Variants in NCKAP5 observed in about 807,000 individuals in gnomAD.
The protein encoded by NCKAP5 is nck-associated protein 5.
Under a neutral mutation model 167.0 loss-of-function variants are expected in NCKAP5, and 92 were observed. The ratio of observed to expected loss-of-function variants is 0.55; its 90% CI spans 0.47 to 0.66. NCKAP5 has a LOEUF of 0.66. NCKAP5 is among the 30% of genes least tolerant of loss of function. NCKAP5 has a pLI of 0.00. For missense variants in NCKAP5, 2,378 were observed against 2,315.0 expected (o/e 1.03, Z -0.56); for synonymous variants, 891 against 877.4 (o/e 1.02, Z -0.27).
intron 5 of NCKAP5, among the ~76,000 whole-genome samples, chr2:133,211,704 T>G (rs973933656): frequency 6.6e-6 from 1 of 152,152 alleles, no homozygotes. Context: ...TAATAAATGG[T>G]TTTTTTATAA....
chr2:133,564,127 T>C (rs1575164640), intron 1 of NCKAP5, among the ~76,000 whole-genome samples: 1 of 150,334 alleles, frequency 6.7e-6, no homozygotes, highest in African/African-American at 2.5e-5. Flanking sequence ...AGAGTGAAAC[T>C]CCATTTCAAA....
chr2:132,803,007 T>C (rs994740540), intron 11 of NCKAP5, among the ~76,000 whole-genome samples: 1 of 152,234 alleles, frequency 6.6e-6, no homozygotes, highest in African/African-American at 2.4e-5. Context: ...GCATATTACA[T>C]AACTGAGTAT....
At chr2:133,547,063 T>C (rs1686763193) in intron 2 of NCKAP5, among the ~76,000 whole-genome samples, 2 of 152,144 alleles carry the variant, frequency 1.3e-5, no homozygotes, top group South Asian at 4.1e-4. Context: ...TTGCCTCACT[T>C]GGGAAGTGCA....
At chr2:133,463,337 G>T (rs1288415822) in intron 3 of NCKAP5, among the ~76,000 whole-genome samples, 4 of 152,202 alleles carry the variant, frequency 2.6e-5, no homozygotes, top group African/African-American at 9.7e-5. Context: ...AGCAAATGAA[G>T]AAATGGCCAT....
chr2:133,469,925 A>G (rs1413046340), intron 3 of NCKAP5, among the ~76,000 whole-genome samples: 1 of 149,782 alleles, frequency 6.7e-6, no homozygotes, highest in African/African-American at 2.5e-5. Context: ...AATTTTTTTC[A>G]AAGTTTTCAA....
intron 11 of NCKAP5, among the ~76,000 whole-genome samples, chr2:132,837,588 T>C (rs73955992): frequency 0.04 from 6,147 of 152,200 alleles, 275 homozygotes; most frequent in East Asian, 0.12. Flanking sequence ...TTATGTTTTT[T>C]CAATTTTCTT....
chr2:133,158,488 T>C (rs992155182), intron 5 of NCKAP5, among the ~76,000 whole-genome samples: 1 of 152,222 alleles, frequency 6.6e-6, no homozygotes, highest in Non-Finnish European at 1.5e-5. Context: ...ATTCACTTGC[T>C]TGTTCAAAAA....
chr2:133,157,483 T>C (rs1308433434), intron 5 of NCKAP5, among the ~76,000 whole-genome samples: 1 of 152,208 alleles, frequency 6.6e-6, no homozygotes, highest in East Asian at 1.9e-4. Flanking sequence ...CTAATCTTAT[T>C]GAGTGTTTGT....
rs184317746 is a variant in NCKAP5 at position 133,495,741 on chromosome 2, T to C, written c.69+21717A>G. ...TAGTCATACCTAGGAATAAACCTGC[T>C]AACTCATCTGGGTAGTGTAAATAGT... On this transcript the variant is annotated intron_variant, in intron 3 of 19. Transcript: ENST00000409261. 5.3e-4 allele frequency among the ~76,000 whole-genome samples: 80 copies of C among 152,350 alleles called. 1 individual carries two copies. In the South Asian group the frequency reaches 6.8e-3, roughly 13 times the overall value.
rs373540185 is a variant in NCKAP5 at position 132,725,632 on chromosome 2, G to A, written c.5708C>T (p.Ala1903Val). ...GCAAGTTCGCTGGTTGTTACCTGGG[G>A]CAGCGCTCTTCAGTGCTTTCACTAA... The part of the protein sequence containing the change: ...GQLVKALKSA[A>V]PEIETT Residue 1903 changes from alanine to valine, a missense_variant, in exon 19 of 20, where the codon GCC (alanine) becomes GTC (valine). Coordinates refer to ENST00000409261, the MANE Select transcript of NCKAP5 (RefSeq NM_207363.3). 1 of 1,609,126 alleles carries A rather than the reference G, an allele frequency of 6.2e-7. No individual in the cohort carries two copies. Among genetic ancestry groups the A allele is most frequent in the Admixed American group, 1.7e-5 (1 of 59,302 alleles).
chr2:133,060,232 T>C (rs1050282389), intron 6 of NCKAP5, among the ~76,000 whole-genome samples: 18 of 152,326 alleles, frequency 1.2e-4, no homozygotes, highest in Admixed American at 9.1e-4. Flanking sequence ...TGACAAGTTC[T>C]TTTCTTTCAT....
chr2:133,307,878 C>T (rs1380352071), intron 3 of NCKAP5, among the ~76,000 whole-genome samples: 2 of 151,786 alleles, frequency 1.3e-5, no homozygotes, highest in African/African-American at 4.8e-5. Flanking sequence ...TAAAAAGAGG[C>T]TTCAAAGGAG....
chr2:133,619,383 C>T, the NCKAP5 span, among the ~76,000 whole-genome samples: 8 of 151,610 alleles, frequency 5.3e-5, no homozygotes, highest in East Asian at 5.8e-4. Context: ...AAACAGAAAG[C>T]ATAAATAAAA....
chr2:132,682,496 G>A (rs1428757985), intron 19 of NCKAP5, among the ~76,000 whole-genome samples: 2 of 152,192 alleles, frequency 1.3e-5, no homozygotes, highest in Non-Finnish European at 2.9e-5. Context: ...TATGAGAAAA[G>A]TCACATGGAA....
At chr2:133,323,858 C>CCTGA (rs1682243157) in intron 3 of NCKAP5, among the ~76,000 whole-genome samples, 1 of 152,188 alleles carries the variant, frequency 6.6e-6, no homozygotes, top group South Asian at 2.1e-4. Context: ...TTCTACAAGA[C>CCTGA]CTGAGCCTTT....
At chr2:133,007,979 C>T (rs979902402) in intron 6 of NCKAP5, among the ~76,000 whole-genome samples, 5 of 152,140 alleles carry the variant, frequency 3.3e-5, no homozygotes, top group African/African-American at 1.2e-4. Context: ...TTCTGAGTGC[C>T]CAGCAAAGAG....
Position 132,920,771 on chromosome 2 carries a change from G to GTATGTATGTATGTGTATA in NCKAP5, c.580-41856_580-41855insTATACACATACATACATA, listed in dbSNP as rs1553479343. On this transcript the variant is annotated intron_variant, in intron 8 of 19. Transcript: ENST00000409261. ...TATATATATATGTATATATATGTAT[G>GTATGTATGTATGTGTATA]TATATATATATATATATATATATAT... 1.6e-3 allele frequency among the ~76,000 whole-genome samples: 49 copies of GTATGTATGTATGTGTATA among 31,580 alleles called. 2 individuals carry two copies. The highest frequency in any genetic ancestry group is 5.1e-3 in the African/African-American group (46 of 9,066). 20.7% of individuals were successfully genotyped at this position (31,580 alleles called of 152,430 possible).
At chr2:133,523,103 C>G (rs1274933211) in intron 2 of NCKAP5, among the ~76,000 whole-genome samples, 1 of 119,320 alleles carries the variant, frequency 8.4e-6, no homozygotes, top group East Asian at 3.2e-4. Context: ...GCCTTAATAA[C>G]TCTTTTTTTT....
At chr2:133,463,298 C>A (rs1553645461) in intron 3 of NCKAP5, among the ~76,000 whole-genome samples, 1 of 152,168 alleles carries the variant, frequency 6.6e-6, no homozygotes, top group Non-Finnish European at 1.5e-5. Context: ...AGGCTGGTTT[C>A]AGTGTGACTC....
Sources: allele counts gnomAD v4.1 joint callset (sites outside exome capture counted in the v4.1 genomes callset), GRCh38; gene constraint gnomAD v4.1.1; transcripts MANE v1.5; gene names NCBI Gene and HGNC (gene_info 2026-07-23, HGNC 2026-07-21).